The following UBN1 variants were observed in gnomAD, a reference collection of about 807,000 sequenced individuals.
The protein encoded by UBN1 is ubinuclein 1.
A neutral mutation model predicts 108.5 loss-of-function variants in UBN1; 17 were observed. The observed-to-expected ratio is 0.16, with a 90% CI of 0.11 to 0.24. UBN1 has a LOEUF of 0.24. UBN1 is among the 10% of genes least tolerant of loss of function. The pLI is 1.00. For synonymous variants in UBN1, 726 were observed against 564.2 expected (o/e 1.29, Z -4.07); for missense variants, 1,595 against 1,394.4 (o/e 1.14, Z -2.29).
rs2087032319 is a variant in UBN1 at position 4,860,989 on chromosome 16, G to A, written c.997G>A (p.Asp333Asn). Reference protein sequence around the residue: ...SPEGSPFRDMDDGSDSLGVGL... With the variant: ...SPEGSPFRDMNDGSDSLGVGL... ...AGAAGGAAGTCCCTTCCGAGATATG[G>A]ATGATGGAAGTGATTCCCTTGGGGT... Residue 333 changes from aspartate (D) to asparagine (N), a missense_variant, in exon 7 of 18, where the codon GAT becomes AAT. By Grantham distance (23) the Asp-to-Asn change is conservative (BLOSUM62 1). Coordinates refer to ENST00000262376, the MANE Select transcript of UBN1 (RefSeq NM_001079514.3). The A allele has an allele frequency of 6.2e-7, 1 of 1,614,244 alleles. No homozygotes were observed. The highest frequency in any genetic ancestry group is 8.5e-7 in the Non-Finnish European group (1 of 1,180,042).
chr16:4,858,832 C>T, intron 4 of UBN1, 169 bp downstream of exon 4: 2 of 941,780 alleles, frequency 2.1e-6, no homozygotes, highest in Non-Finnish European at 3.3e-6. Context: ...GGTCTTAGTT[C>T]CCTCTTCAGA....
rs2142173126 is a variant in UBN1 at position 4,861,039 on chromosome 16, G to A, written c.1047G>A (p.Gln349=). The A allele has an allele frequency of 6.2e-7, 1 of 1,614,142 alleles. No homozygotes were observed. Among genetic ancestry groups the A allele is most frequent in the East Asian group, 2.2e-5 (1 of 44,892 alleles). The change falls in exon 7 of 18, where the codon CAG becomes CAA. Residue 349 remains glutamine, a synonymous_variant. Transcript: ENST00000262376. ...TGGGATTGGACCAGGAATTCAGGCA[G>A]CCCTCTTCTCTCCCCGAAGGCCTGC... ...LGVGLDQEFR[Q]PSSLPEGLPA...
rs1567964891 is a variant in UBN1, at chr16:4,877,639, A to G, written c.3355+165A>G. On this transcript the variant is annotated intron_variant, in intron 17 of 17. Transcript: ENST00000262376. This position sits in a 1 kb window ranked among gnomAD's most constrained non-coding sequence, Gnocchi z 4.3. ...TTTGTCAGTACTCAGGGTGACACGC[A>G]CTTCTACTCTTGGGGTTTCCTCTGG... 7.5e-7 allele frequency: 1 copy of G among 1,337,280 alleles called. No homozygotes were observed. The highest frequency in any genetic ancestry group is 9.6e-7 in the Non-Finnish European group (1 of 1,045,888). The allele number at this position is 1,337,280 out of a possible 1,614,324, so 82.8% of individuals were successfully genotyped here.
At chr16:4,869,698 A>G (rs2087519476) in intron 8 of UBN1, among the ~76,000 whole-genome samples, 1 of 152,222 alleles carries the variant, frequency 6.6e-6, no homozygotes, top group East Asian at 1.9e-4. Context: ...TTGTGTCAAC[A>G]AGGAACCTGC....
chr16:4,869,190 G>A (rs1293315643), intron 8 of UBN1, among the ~76,000 whole-genome samples: 1 of 152,198 alleles, frequency 6.6e-6, no homozygotes, highest in African/African-American at 2.4e-5. Context: ...AGGATTTCTT[G>A]GCAGGTATGA....
intron 7 of UBN1, among the ~76,000 whole-genome samples, chr16:4,864,182 G>A (rs1349300545): frequency 2.0e-5 from 3 of 149,774 alleles, no homozygotes; most frequent in South Asian, 2.1e-4. Context: ...CGCCTTCTGG[G>A]TTCAAGTGAT....
In UBN1 at chr16:4,882,061, C is replaced by T. The variant is rs778645763; in HGVS notation, c.*1929C>T. 6.6e-6 allele frequency: 1 copy of T among 152,382 alleles called. No individual in the cohort carries two copies. The allele number at this position is 152,382 out of a possible 1,614,324, so 9.4% of individuals were successfully genotyped here. On this transcript the variant is annotated 3_prime_UTR_variant, in exon 18 of 18. Coordinates refer to ENST00000262376, the MANE Select transcript of UBN1 (RefSeq NM_001079514.3). The stretch of plus-strand genomic sequence containing the variant: ...TTCTTTGATGGGGAGTTTGAGATTT[C>T]TTTTCCTTGTTTATGCTTTATTTGT...
chr16:4,849,770 A>T lies in UBN1; in HGVS notation c.-40+1560A>T, dbSNP rs540831879. On this transcript the variant is annotated intron_variant, in intron 1 of 17. Transcript: ENST00000262376. ...ACCATACCTGGCTAATTTAAAAAAA[A>T]TTTTTTTGTGCAGATGAAGTCTCAT... Among the ~76,000 whole-genome samples, 626 of 151,618 alleles carry T rather than the reference A, an allele frequency of 4.1e-3. 5 individuals are homozygous for T. The highest frequency in any genetic ancestry group is 6.1e-3 in the Non-Finnish European group (414 of 67,884).
chr16:4,868,345 A>G (rs2087437367), intron 7 of UBN1, among the ~76,000 whole-genome samples: 1 of 152,232 alleles, frequency 6.6e-6, no homozygotes. Flanking sequence ...GGTATACCAT[A>G]AGTAGATTAG....
At chr16:4,853,627 G>A (rs1210484875) in intron 2 of UBN1, among the ~76,000 whole-genome samples, 3 of 150,450 alleles carry the variant, frequency 2.0e-5, no homozygotes, top group South Asian at 4.2e-4. Flanking sequence ...GGGCGATCTC[G>A]GCTCACTGTA....
chr16:4,877,594 T>C lies in UBN1; in HGVS notation c.3355+120T>C, dbSNP rs1352249882. 6.3e-6 allele frequency: 9 copies of C among 1,438,984 alleles called. No individual in the cohort carries two copies. The highest frequency in any genetic ancestry group is 1.4e-5 in the African/African-American group (1 of 69,118). 89.1% of individuals were successfully genotyped at this position (1,438,984 alleles called of 1,614,324 possible). ...TGCCTTGACGCTGTTGTTGTTTTGGTTTGTCCTTTGAGGCTGTGCTTTGTC... is the reference window on the plus strand; with the variant it reads ...TGCCTTGACGCTGTTGTTGTTTTGGCTTGTCCTTTGAGGCTGTGCTTTGTC... On this transcript the variant is annotated intron_variant, in intron 17 of 17. Coordinates refer to ENST00000262376, the MANE Select transcript of UBN1 (RefSeq NM_001079514.3). The surrounding 1 kb of genome is among the most constrained non-coding windows in gnomAD (Gnocchi z 4.3).
chr16:4,861,771 G>C (rs1043034531), intron 7 of UBN1, among the ~76,000 whole-genome samples: 1 of 152,192 alleles, frequency 6.6e-6, no homozygotes, highest in African/African-American at 2.4e-5. Context: ...GTGAAACCCT[G>C]TTTCTACTAA....
In UBN1 at chr16:4,870,260, G is replaced by A. The variant is rs781266454; in HGVS notation, c.1230G>A (p.Val410=). ...TGAGCAGTCAGGTCCGCTCTGGGGT[G>A]TATGCCTATCTTGCGTCATTCCTGC... The part of the protein sequence containing the change: ...RELSSQVRSG[V]YAYLASFLPC... Residue 410 remains valine (V), a synonymous_variant, in exon 9 of 18, where the codon GTG becomes GTA. Coordinates refer to ENST00000262376, the MANE Select transcript of UBN1 (RefSeq NM_001079514.3). The A allele has an allele frequency of 2.5e-6, 4 of 1,614,244 alleles. No individual in the cohort carries two copies. Among genetic ancestry groups the A allele is most frequent in the South Asian group, 1.1e-5 (1 of 91,088 alleles).
At chr16:4,871,035 C>T (rs1181450104) in intron 11 of UBN1, 63 bp downstream of exon 11, 2 of 1,606,538 alleles carry the variant, frequency 1.2e-6, no homozygotes, top group African/African-American at 2.7e-5. Flanking sequence ...GAGCACGTCC[C>T]CTATTGCTGA....
At position 4,852,927 on chromosome 16, in the gene UBN1, C is replaced by A; in HGVS notation, c.10C>A (p.Pro4Thr). 6.2e-7 allele frequency: 1 copy of A among 1,613,426 alleles called. No individual in the cohort carries two copies. Among genetic ancestry groups the A allele is most frequent in the Non-Finnish European group, 8.5e-7 (1 of 1,179,522 alleles). The change falls in exon 2 of 18, where the codon CCC becomes ACC. Residue 4 changes from proline to threonine, a missense_variant. Around this residue, in one of 3 missense-constraint regions of UBN1, gnomAD observed 181 missense variants for 157.3 expected, o/e 1.15. Coordinates refer to ENST00000262376, the MANE Select transcript of UBN1 (RefSeq NM_001079514.3). MSE[P>T]HRVQFTSLPG... ...AGACTTGTTGGTAGCCATGTCGGAG[C>A]CCCACAGGGTCCAGTTCACCTCTCT...
At chr16:4,878,945 G>A (rs1299430763) in intron 17 of UBN1, among the ~76,000 whole-genome samples, 1 of 152,168 alleles carries the variant, frequency 6.6e-6, no homozygotes, top group Non-Finnish European at 1.5e-5. Context: ...CGAGGAGGTC[G>A]AGGCTGCAGC....
intron 12 of UBN1, chr16:4,872,158 A>G: frequency 1.0e-6 from 1 of 982,822 alleles, no homozygotes. Flanking sequence ...AGATCTTGGA[A>G]CCTTTGAAAT....
intron 2 of UBN1, among the ~76,000 whole-genome samples, chr16:4,853,946 C>T (rs1471475345): frequency 1.3e-5 from 2 of 152,104 alleles, no homozygotes; most frequent in African/African-American, 4.8e-5. Context: ...ACCCCAGAAA[C>T]CCTCCTTCTG....
At chr16:4,857,743 G>A (rs1233225480) in intron 2 of UBN1, among the ~76,000 whole-genome samples, 3 of 152,168 alleles carry the variant, frequency 2.0e-5, no homozygotes, top group Admixed American at 6.5e-5. Context: ...CTGTCTTTGA[G>A]TCCTGCAGCC....
Sources: allele counts gnomAD v4.1 joint callset (sites outside exome capture counted in the v4.1 genomes callset), GRCh38; gene constraint gnomAD v4.1.1; regional missense constraint gnomAD v4.1.1; non-coding constraint Gnocchi (gnomAD v3.1); transcripts MANE v1.5; gene names NCBI Gene and HGNC (gene_info 2026-07-23, HGNC 2026-07-21).